Variants in MXRA8 observed in about 807,000 individuals in gnomAD.
MXRA8 encodes the protein matrix remodeling associated 8, also known as matrix remodeling-associated protein 8.
MXRA8 carries 44 observed loss-of-function variants against 51.4 expected under a neutral mutation model. The ratio of observed to expected loss-of-function variants is 0.86; its 90% CI spans 0.67 to 1.10. MXRA8 has a LOEUF of 1.10. Ranked by LOEUF, MXRA8 falls within the 50% of genes least tolerant of loss-of-function variation. MXRA8 has a pLI of 0.00. For missense variants in MXRA8, 765 were observed against 638.9 expected, an observed-to-expected ratio of 1.20 and a Z score of -2.13; for synonymous variants, 369 against 293.5, an observed-to-expected ratio of 1.26 and a Z score of -2.63.
Position 1,355,646 on chromosome 1 carries a change from C to T in MXRA8, c.180G>A (p.Val60=). The change falls in exon 3 of 10, where the codon GTG becomes GTA. Residue 60 remains valine, a synonymous_variant. Transcript: ENST00000309212. ...AVLRCQSPRM[V]WTQDRLHDRQ... ...GGTCGTGCAGCCGGTCCTGGGTCCA[C>T]ACCATGCGCGGGCTCTGGCAGCGCA... 6.9e-7 allele frequency: 1 copy of T among 1,441,440 alleles called. No individual in the cohort carries two copies. Among genetic ancestry groups the T allele is most frequent in the African/African-American group, 1.5e-5 (1 of 67,616 alleles). The allele number at this position is 1,441,440 out of a possible 1,614,324, so 89.3% of individuals were successfully genotyped here. A position where few individuals can be genotyped will look rare whatever the true frequency, so the allele number is the denominator to read the frequency against.
chr1:1,355,183 G>A lies in MXRA8; in HGVS notation c.479-31C>T, dbSNP rs1644097140. On this transcript the variant is annotated intron_variant, in intron 4 of 9. Coordinates refer to ENST00000309212, the MANE Select transcript of MXRA8 (RefSeq NM_032348.4). ...GAGGGGGCGCGGTCAGCGGCGCGCGGGCCGGGGCGGCGGTCGAGGGTCGAG... is the reference window on the plus strand; with the variant it reads ...GAGGGGGCGCGGTCAGCGGCGCGCGAGCCGGGGCGGCGGTCGAGGGTCGAG... 4 of 1,403,808 alleles carry A rather than the reference G, an allele frequency of 2.8e-6. No homozygotes were observed. The East Asian group carries it at 9.1e-5, about 32-fold the overall frequency. 87.0% of individuals were successfully genotyped at this position (1,403,808 alleles called of 1,614,324 possible).
upstream of MXRA8, chr1:1,361,548 G>A (rs1644223075): frequency 1.9e-6 from 1 of 518,180 alleles, no homozygotes; most frequent in Non-Finnish European, 3.5e-6. Flanking sequence ...CGCAGCCAGT[G>A]GCGGGGCTGC....
Position 1,353,249 on chromosome 1 carries a change from C to G in MXRA8, c.*355G>C. On this transcript the variant is annotated 3_prime_UTR_variant, in exon 10 of 10. Transcript: ENST00000309212. The stretch of plus-strand genomic sequence containing the variant: ...AGTGGGACTCCTGCCCTGAGGCTGA[C>G]CCCAGTTTTGGGGCTGCCAGGTTCT... The G allele has an allele frequency of 6.7e-7, 1 of 1,498,174 alleles. No homozygotes were observed. Among genetic ancestry groups the G allele is most frequent in the South Asian group, 1.2e-5 (1 of 82,998 alleles). The allele number at this position is 1,498,174 out of a possible 1,614,324, so 92.8% of individuals were successfully genotyped here. A position where few individuals can be genotyped will look rare whatever the true frequency, so the allele number is the denominator to read the frequency against.
rs762685249 is a variant in MXRA8 at position 1,354,220 on chromosome 1, G to A, written c.1118C>T (p.Ser373Leu). The stretch of plus-strand genomic sequence containing the variant: ...CTTTGACTTTCCCGACTTCTGGTCC[G>A]AGTATTCGTAGCCTGGGAAGGAGAC... ...ARRRRGGYEYSDQKSGKSKGK... is the reference protein window; with the variant it reads ...ARRRRGGYEYLDQKSGKSKGK... The change falls in exon 7 of 10, where the codon TCG becomes TTG. Residue 373 changes from serine to leucine, a missense_variant. By Grantham distance (145) the Ser-to-Leu change is moderately radical. Transcript: ENST00000309212. 11 of 1,612,386 alleles carry A rather than the reference G, an allele frequency of 6.8e-6. No homozygotes were observed. In the Admixed American group the frequency reaches 1.0e-4, roughly 15 times the overall value.
In MXRA8 at chr1:1,354,956, G is replaced by C. The variant is rs771132139; in HGVS notation, c.675C>G (p.Leu225=). The C allele has an allele frequency of 6.2e-7, 1 of 1,600,340 alleles. No individual in the cohort carries two copies. The highest frequency in any genetic ancestry group is 8.5e-7 in the Non-Finnish European group (1 of 1,174,586). Residue 225 remains leucine, a synonymous_variant, in exon 5 of 10, where the codon CTC becomes CTG. Coordinates refer to ENST00000309212, the MANE Select transcript of MXRA8 (RefSeq NM_032348.4). ...PHDRADRLLD[L]YASGERRAYG... is the part of the protein sequence containing the mutation. Reference sequence around the variant, plus strand: ...AGGCGCGGCGCTCGCCCGACGCGTAGAGGTCCAGCAGGCGGTCCGCGCGGT... The same window carrying C: ...AGGCGCGGCGCTCGCCCGACGCGTACAGGTCCAGCAGGCGGTCCGCGCGGT...
intron 1 of MXRA8, among the ~76,000 whole-genome samples, chr1:1,357,377 GCACTGTCCCCTGGTGACCA>G (rs1195425669): frequency 6.6e-6 from 1 of 152,076 alleles, no homozygotes; most frequent in East Asian, 1.9e-4. Flanking sequence ...CCCGCCCTAC[GCACTGTCCCCTGGTGACCA>G]CCCCCTGTGT....
chr1:1,353,888 G>A lies in MXRA8; in HGVS notation c.1263C>T (p.Ala421=), dbSNP rs200778099. 2 of 1,608,188 alleles carry A rather than the reference G, an allele frequency of 1.2e-6. No individual in the cohort carries two copies. Among genetic ancestry groups the A allele is most frequent in the African/African-American group, 1.3e-5 (1 of 74,874 alleles). Reference sequence around the variant, plus strand: ...TGTACTTGGCAGGCAGGGGGCTGTGGGCCAGCTCCGCCCTCTCCTTCAGGA... The same window carrying A: ...TGTACTTGGCAGGCAGGGGGCTGTGAGCCAGCTCCGCCCTCTCCTTCAGGA... ...NNILKERAEL[A]HSPLPAKYID... is the part of the protein sequence containing the mutation. Residue 421 remains alanine, a synonymous_variant, in exon 9 of 10, where the codon GCC becomes GCT. Transcript: ENST00000309212.
In MXRA8 at chr1:1,354,947, C is replaced by T. The variant is rs758963590; in HGVS notation, c.684G>A (p.Ser228=). 1.1e-5 allele frequency: 18 copies of T among 1,600,790 alleles called. No individual in the cohort carries two copies. The Middle Eastern group carries it at 7.3e-4, about 65-fold the overall frequency. The change falls in exon 5 of 10, where the codon TCG becomes TCA. Residue 228 remains serine, a synonymous_variant. Coordinates refer to ENST00000309212, the MANE Select transcript of MXRA8 (RefSeq NM_032348.4). ...RADRLLDLYA[S]GERRAYGPLF... is the part of the protein sequence containing the mutation. Reference sequence around the variant, plus strand: ...GGGGCCCGTAGGCGCGGCGCTCGCCCGACGCGTAGAGGTCCAGCAGGCGGT... The same window carrying T: ...GGGGCCCGTAGGCGCGGCGCTCGCCTGACGCGTAGAGGTCCAGCAGGCGGT...
chr1:1,353,228 G>A lies in MXRA8; in HGVS notation c.*376C>T. ...CGACGAGCAGAGCCCTGGAGGAGTGGGACTCCTGCCCTGAGGCTGACCCCA... is the reference window on the plus strand; with the variant it reads ...CGACGAGCAGAGCCCTGGAGGAGTGAGACTCCTGCCCTGAGGCTGACCCCA... On this transcript the variant is annotated 3_prime_UTR_variant, in exon 10 of 10. Coordinates refer to ENST00000309212, the MANE Select transcript of MXRA8 (RefSeq NM_032348.4). 2 of 1,375,612 alleles carry A rather than the reference G, an allele frequency of 1.5e-6. No homozygotes were observed. Among genetic ancestry groups the A allele is most frequent in the Non-Finnish European group, 2.0e-6 (2 of 987,928 alleles). The allele number at this position is 1,375,612 out of a possible 1,614,324, so 85.2% of individuals were successfully genotyped here.
chr1:1,356,127 G>C (rs116792145), intron 2 of MXRA8, among the ~76,000 whole-genome samples: 3,864 of 97,836 alleles, frequency 0.039, 417 homozygotes, highest in African/African-American at 0.17. Context: ...GAGGCCCCTC[G>C]TGGTGGGGGA....
At chr1:1,357,369 C>T (rs35993679) in intron 1 of MXRA8, among the ~76,000 whole-genome samples, 115,256 of 152,082 alleles carry the variant, frequency 0.76, 48,141 homozygotes, top group Non-Finnish European at 0.93. Flanking sequence ...CCCAGACGCC[C>T]GCCCTACGCA....
chr1:1,354,691 G>C lies in MXRA8; in HGVS notation c.940C>G (p.Pro314Ala), dbSNP rs112004810. The part of the protein sequence containing the change: ...PGNGSSHSGA[P>A]GPDPTLARGH... ...GGGAGGCCTCCTTCACCTGGGCCTG[G>C]GGCGCCGCTGTGGCTGGAGCCGTTG... Residue 314 changes from proline to alanine, a missense_variant, in exon 5 of 10, where the codon CCA becomes GCA. By Grantham distance (27) the Pro-to-Ala change is conservative. Coordinates refer to ENST00000309212, the MANE Select transcript of MXRA8 (RefSeq NM_032348.4). 113 of 1,579,800 alleles carry C rather than the reference G, an allele frequency of 7.2e-5. No homozygotes were observed. The highest frequency in any genetic ancestry group is 8.4e-5 in the Non-Finnish European group (98 of 1,164,180).
chr1:1,354,323 G>A, intron 6 of MXRA8, 31 bp downstream of exon 6: 2 of 1,601,548 alleles, frequency 1.2e-6, no homozygotes, highest in Non-Finnish European at 1.7e-6. Flanking sequence ...TCAGTCTCCT[G>A]GGGCCGCTGG....
In MXRA8 at chr1:1,354,383, A is replaced by G; in HGVS notation, c.1076T>C (p.Val359Ala). The change falls in exon 6 of 10, where the codon GTC becomes GCC. Residue 359 changes from valine (V) to alanine (A), a missense_variant. Transcript: ENST00000309212. ...GCGGCGCCTGCGGGCGGCCAGGAGG[A>G]CAGTGACCAGTAGCAGGATGAAGAG... ...LLLFILLLVT[V>A]LLAARRRRGG... is the part of the protein sequence containing the mutation. 6.2e-7 allele frequency: 1 copy of G among 1,612,122 alleles called. No individual in the cohort carries two copies. The highest frequency in any genetic ancestry group is 8.5e-7 in the Non-Finnish European group (1 of 1,179,774).
At chr1:1,360,331 G>A (rs909879123), upstream of MXRA8, among the ~76,000 whole-genome samples, 1 of 152,216 alleles carries the variant, frequency 6.6e-6, no homozygotes, top group African/African-American at 2.4e-5. Flanking sequence ...ACAAAAGGCT[G>A]ATGAGGCCAT....
In MXRA8 at chr1:1,354,081, C is replaced by T. The variant is rs766124628; in HGVS notation, c.1171G>A (p.Ala391Thr). 6.2e-7 allele frequency: 1 copy of T among 1,612,964 alleles called. No individual in the cohort carries two copies. The highest frequency in any genetic ancestry group is 8.5e-7 in the Non-Finnish European group (1 of 1,179,998). The stretch of plus-strand genomic sequence containing the variant: ...AGCATCTGGTCCCCTGCAGCCACAG[C>T]GAACTCCGCCAAGTTAACATCCTTC... ...KGKDVNLAEFAVAAGDQMLYR... is the reference protein window; with the variant it reads ...KGKDVNLAEFTVAAGDQMLYR... The change falls in exon 8 of 10, where the codon GCT (alanine) becomes ACT (threonine). Residue 391 changes from alanine (A) to threonine (T), a missense_variant. Physicochemically the swap from Ala to Thr is moderately conservative, Grantham distance 58. Transcript: ENST00000309212.
In MXRA8 at chr1:1,354,666, G is replaced by C. The variant is rs1000911771; in HGVS notation, c.949+16C>G. 1.3e-6 allele frequency: 2 copies of C among 1,555,366 alleles called. No individual in the cohort carries two copies. The highest frequency in any genetic ancestry group is 2.7e-5 in the African/African-American group (2 of 73,164). ...TGGGCTCCCGCCTTCCCGGGTCCCA[G>C]GGAGGCCTCCTTCACCTGGGCCTGG... is the stretch of plus-strand genomic sequence containing the variant. On this transcript the variant is annotated intron_variant, in intron 5 of 9. Coordinates refer to ENST00000309212, the MANE Select transcript of MXRA8 (RefSeq NM_032348.4).
upstream of MXRA8, chr1:1,359,514 G>A (rs935910191): frequency 1.0e-6 from 1 of 984,894 alleles, no homozygotes; most frequent in African/African-American, 1.8e-5. Context: ...CCGCCCACTT[G>A]GAGTGAGCTC....
At chr1:1,361,533 C>T (rs1644222197), upstream of MXRA8, 1 of 531,806 alleles carries the variant, frequency 1.9e-6, no homozygotes, top group African/African-American at 1.9e-5. Flanking sequence ...GACGCGGCTT[C>T]CAGGCGCAGC....
Sources: allele counts gnomAD v4.1 joint callset (sites outside exome capture counted in the v4.1 genomes callset), GRCh38; gene constraint gnomAD v4.1.1; transcripts MANE v1.5; gene names NCBI Gene and HGNC (gene_info 2026-07-23, HGNC 2026-07-21).